CDC42BPG: variants seen among roughly 807,000 people sequenced by gnomAD.
The protein encoded by CDC42BPG is CDC42 binding protein kinase gamma.
Under a neutral mutation model 192.2 loss-of-function variants are expected in CDC42BPG, and 157 were observed. That is an observed-to-expected ratio of 0.82 (90% CI 0.72 to 0.93). The LOEUF (loss-of-function observed/expected upper bound fraction) is 0.93. Ranked by LOEUF, CDC42BPG falls within the 40% of genes least tolerant of loss-of-function variation. The pLI is 0.00. For missense variants in CDC42BPG, 1,992 were observed against 2,122.1 expected (o/e 0.94, Z 1.20); for synonymous variants, 981 against 918.5 (o/e 1.07, Z -1.23).
intron 28 of CDC42BPG, chr11:64,830,462 T>TG (rs1942633453): frequency 3.3e-6 from 2 of 608,088 alleles, no homozygotes; most frequent in African/African-American, 3.7e-5. Flanking sequence ...TCTTGAGCTG[T>TG]GGGATTTTGG....
chr11:64,833,605 C>G lies in CDC42BPG; in HGVS notation c.2620G>C (p.Ala874Pro). 6.2e-7 allele frequency: 1 copy of G among 1,609,856 alleles called. No homozygotes were observed. The highest frequency in any genetic ancestry group is 8.5e-7 in the Non-Finnish European group (1 of 1,178,456). ...ANTASTEGLPAKPGSHTLRPR... is the reference protein window; with the variant it reads ...ANTASTEGLPPKPGSHTLRPR... ...TTGCCCCTCTGGGCACTGACCTTAG[C>G]AGGAAGACCTTCTGTAGAGGCTGTG... is the stretch of plus-strand genomic sequence containing the variant. Residue 874 changes from alanine (A) to proline (P), a missense_variant, in exon 23 of 37, where the codon GCT becomes CCT. Ala to Pro is a conservative substitution (Grantham distance 27, BLOSUM62 -1). Transcript: ENST00000342711.
chr11:64,833,642 T>G lies in CDC42BPG; in HGVS notation c.2583A>C (p.Ala861=). Residue 861 remains alanine, a synonymous_variant, in exon 23 of 37, where the codon GCA becomes GCC. Transcript: ENST00000342711. ...CTGTAGAGGCTGTGTTGGCAGTGGGTGCTCTGGGGAACACAGCCTGCAGGA... is the reference window on the plus strand; with the variant it reads ...CTGTAGAGGCTGTGTTGGCAGTGGGGGCTCTGGGGAACACAGCCTGCAGGA... ...SLRMGAVFPR[A]PTANTASTEG... 1.2e-6 allele frequency: 2 copies of G among 1,612,118 alleles called. No individual in the cohort carries two copies. Among genetic ancestry groups the G allele is most frequent in the East Asian group, 2.2e-5 (1 of 44,826 alleles).
intron 17 of CDC42BPG, 24 bp downstream of exon 17, chr11:64,835,023 C>T: frequency 6.2e-7 from 1 of 1,606,148 alleles, no homozygotes; most frequent in Non-Finnish European, 8.5e-7. Flanking sequence ...GCGTTCCCCA[C>T]CCCGACCCAC....
At position 64,833,662 on chromosome 11, in the gene CDC42BPG, G is replaced by A; in HGVS notation, c.2566-3C>T. ...GTGGGTGCTCTGGGGAACACAGCCT[G>A]CAGGAGGGCGGGGGAGCAGGTGAGA... On this transcript the variant is annotated splice_polypyrimidine_tract_variant and splice_region_variant and intron_variant, in intron 22 of 36. Coordinates refer to ENST00000342711, the MANE Select transcript of CDC42BPG (RefSeq NM_017525.3). 6.2e-7 allele frequency: 1 copy of A among 1,612,396 alleles called. No homozygotes were observed. The highest frequency in any genetic ancestry group is 1.7e-4 in the Middle Eastern group (1 of 5,998).
rs763978887 is a variant in CDC42BPG, at chr11:64,832,470, A to T, written c.3045T>A (p.Asp1015Glu). 5.6e-6 allele frequency: 9 copies of T among 1,614,114 alleles called. No homozygotes were observed. The highest frequency in any genetic ancestry group is 7.6e-6 in the Non-Finnish European group (9 of 1,180,000). ...QFSATPVLASDVIHAQSRDLP... is the reference protein window; with the variant it reads ...QFSATPVLASEVIHAQSRDLP... The stretch of plus-strand genomic sequence containing the variant: ...GGTCCCTGGATTGGGCATGGATAAC[A>T]TCAGAGGCCAGGACAGGGGTAGCCG... The change falls in exon 27 of 37, where the codon GAT becomes GAA. Residue 1015 changes from aspartate to glutamate, a missense_variant. Asp to Glu is a conservative substitution (Grantham distance 45). Transcript: ENST00000342711.
intron 9 of CDC42BPG, among the ~76,000 whole-genome samples, chr11:64,837,354 G>A (rs960406201): frequency 3.9e-5 from 6 of 152,206 alleles, no homozygotes; most frequent in African/African-American, 1.4e-4. Flanking sequence ...ACAGTGGCCC[G>A]GCTGGTCTAG....
chr11:64,839,327 G>A, intron 6 of CDC42BPG, 94 bp from the exon 7 acceptor site: 1 of 1,553,480 alleles, frequency 6.4e-7, no homozygotes, highest in Non-Finnish European at 8.8e-7. Flanking sequence ...TACTCTGCCA[G>A]GCTGGCCTGC....
rs1282047433 is a variant in CDC42BPG at position 64,832,713 on chromosome 11, AG to A, written c.2895del (p.Trp966GlyfsTer8). 6.2e-7 allele frequency: 1 copy of A among 1,611,096 alleles called. No homozygotes were observed. The highest frequency in any genetic ancestry group is 2.2e-5 in the East Asian group (1 of 44,794). ...CTCAGGGCAGCAAACACGCGCTGCCAGCCCCGCCGGACACCTGAGGGCCGCG... is the reference window on the plus strand; with the variant it reads ...CTCAGGGCAGCAAACACGCGCTGCCACCCCGCCGGACACCTGAGGGCCGCG... ...SVPRPSGVRRGWQRVFAALSD... is the reference protein window; with the variant it reads ...SVPRPSGVRRXWQRVFAALSD... On this transcript the variant is annotated frameshift_variant, in exon 26 of 37. Transcript: ENST00000342711. LOFTEE classifies it high-confidence loss of function.
At position 64,827,069 on chromosome 11, in the gene CDC42BPG, C is replaced by T. The variant is rs1015886714; in HGVS notation, c.4370G>A (p.Gly1457Asp). The change falls in exon 34 of 37, where the codon GGC becomes GAC. Residue 1457 changes from glycine (G) to aspartate (D), a missense_variant. Gly to Asp is a moderately conservative substitution (Grantham distance 94, BLOSUM62 -1). This residue lies in a region of CDC42BPG where 336 missense variants were observed against 277.9 expected (regional missense o/e 1.21). Transcript: ENST00000342711. The stretch of plus-strand genomic sequence containing the variant: ...ACTAACCGGGGACTTGTCCCTGGCG[C>T]CGGGCCGCCCGTTGGCAGGGCCCAC... Reference protein sequence around the residue: ...VHVGPANGRPGARDKSPAPEE... With the variant: ...VHVGPANGRPDARDKSPAPEE... 4.3e-6 allele frequency: 7 copies of T among 1,612,296 alleles called. No homozygotes were observed. The African/African-American group carries it at 5.3e-5, about 12-fold the overall frequency.
chr11:64,844,360 G>A (rs1197169317), intron 1 of CDC42BPG, 50 bp downstream of exon 1: 28 of 1,337,842 alleles, frequency 2.1e-5, no homozygotes, highest in Non-Finnish European at 2.5e-5. Flanking sequence ...CGGGGGTCTC[G>A]GCGCGATATC....
chr11:64,843,544 CTA>C (rs1943373402), intron 1 of CDC42BPG, among the ~76,000 whole-genome samples: 1 of 152,170 alleles, frequency 6.6e-6, no homozygotes, highest in Non-Finnish European at 1.5e-5. Context: ...GCCAGGAACG[CTA>C]GTTGCCCACT....
chr11:64,840,328 G>A (rs1446306897), intron 4 of CDC42BPG, 60 bp from the exon 5 acceptor site: 36 of 1,579,286 alleles, frequency 2.3e-5, no homozygotes, highest in Admixed American at 8.5e-5. Flanking sequence ...ACTTCACCGC[G>A]GTCCCGCAGG....
chr11:64,835,028 A>G lies in CDC42BPG; in HGVS notation c.2060+19T>C. 1.6e-6 allele frequency: 1 copy of G among 614,886 alleles called. No homozygotes were observed. Among genetic ancestry groups the G allele is most frequent in the Non-Finnish European group, 2.9e-6 (1 of 342,270 alleles). The allele number at this position is 614,886 out of a possible 1,614,324, so 38.1% of individuals were successfully genotyped here. On this transcript the variant is annotated intron_variant, in intron 17 of 36. Coordinates refer to ENST00000342711, the MANE Select transcript of CDC42BPG (RefSeq NM_017525.3). ...AGTCTCGCCTGCGTTCCCCACCCCGACCCACCCCTGGCACCCACCAGCTGA... is the reference window on the plus strand; with the variant it reads ...AGTCTCGCCTGCGTTCCCCACCCCGGCCCACCCCTGGCACCCACCAGCTGA...
chr11:64,832,478 C>T lies in CDC42BPG; in HGVS notation c.3037G>A (p.Ala1013Thr). The stretch of plus-strand genomic sequence containing the variant: ...GATTGGGCATGGATAACATCAGAGG[C>T]CAGGACAGGGGTAGCCGAGAACTGG... ...DPQFSATPVL[A>T]SDVIHAQSRD... The change falls in exon 27 of 37, where the codon GCC becomes ACC. Residue 1013 changes from alanine to threonine, a missense_variant. Ala to Thr is a moderately conservative substitution (Grantham distance 58). Around this residue, in one of 2 missense-constraint regions of CDC42BPG, gnomAD observed 1,656 missense variants for 1,844.3 expected, o/e 0.90. Transcript: ENST00000342711. 6.2e-7 allele frequency: 1 copy of T among 1,614,086 alleles called. No homozygotes were observed.
intron 3 of CDC42BPG, among the ~76,000 whole-genome samples, chr11:64,841,114 G>A (rs71541907): frequency 2.0e-5 from 3 of 150,502 alleles, no homozygotes; most frequent in East Asian, 2.0e-4. Flanking sequence ...TCACGCCACC[G>A]CACTCCAGCC....
chr11:64,836,760 T>A lies in CDC42BPG; in HGVS notation c.1363A>T (p.Thr455Ser). The change falls in exon 11 of 37, where the codon ACT becomes TCT. Residue 455 changes from threonine to serine, a missense_variant. Physicochemically the swap from Thr to Ser is moderately conservative, Grantham distance 58 (BLOSUM62 1). Around this residue, in one of 2 missense-constraint regions of CDC42BPG, gnomAD observed 1,656 missense variants for 1,844.3 expected, o/e 0.90. Coordinates refer to ENST00000342711, the MANE Select transcript of CDC42BPG (RefSeq NM_017525.3). ...ATACCTGGCAGCCTGTCCCGCAGAG[T>A]CTGCACTTCCTTCCGTAGCTGCTCC... ...ELEQLRKEVQ[T>S]LRDRLPEMLR... 1 of 1,503,686 alleles carries A rather than the reference T, an allele frequency of 6.7e-7. No homozygotes were observed. The highest frequency in any genetic ancestry group is 1.2e-5 in the South Asian group (1 of 82,980). The allele number at this position is 1,503,686 out of a possible 1,614,324, so 93.1% of individuals were successfully genotyped here.
chr11:64,827,124 G>A lies in CDC42BPG; in HGVS notation c.4315C>T (p.Pro1439Ser). Residue 1439 changes from proline (P) to serine (S), a missense_variant, in exon 34 of 37, where the codon CCG (proline) becomes TCG (serine). Pro to Ser is a moderately conservative substitution (Grantham distance 74). This residue lies in a region of CDC42BPG where 336 missense variants were observed against 277.9 expected (regional missense o/e 1.21). Transcript: ENST00000342711. ...ACTAGGTGGTTGAAGTTGGTAGGCGGCGAGATGAGCTTGGAGCGCACAAAA... is the reference window on the plus strand; with the variant it reads ...ACTAGGTGGTTGAAGTTGGTAGGCGACGAGATGAGCTTGGAGCGCACAAAA... ...DPFVRSKLISPPTNFNHLVHV... is the reference protein window; with the variant it reads ...DPFVRSKLISSPTNFNHLVHV... 1.2e-6 allele frequency: 2 copies of A among 1,614,164 alleles called. No homozygotes were observed. Among genetic ancestry groups the A allele is most frequent in the Non-Finnish European group, 8.5e-7 (1 of 1,179,998 alleles).
rs777733066 is a variant in CDC42BPG, at chr11:64,835,584, G to T, written c.1796C>A (p.Pro599His). ...HTASETNGMG[P>H]PEGGPQEAQL... ...GGCCTCCTGAGGCCCACCCTCAGGG[G>T]GTCCCATCCCGTTGGTCTCAGAGGC... Residue 599 changes from proline to histidine, a missense_variant, in exon 15 of 37, where the codon CCC becomes CAC. This residue lies in a region of CDC42BPG where 1,656 missense variants were observed against 1,844.3 expected (regional missense o/e 0.90). Transcript: ENST00000342711. The T allele has an allele frequency of 6.3e-7, 1 of 1,579,670 alleles. No homozygotes were observed. The highest frequency in any genetic ancestry group is 8.6e-7 in the Non-Finnish European group (1 of 1,166,350).
At position 64,827,309 on chromosome 11, in the gene CDC42BPG, C is replaced by A. The variant is rs139262308; in HGVS notation, c.4240G>T (p.Val1414Leu). The A allele has an allele frequency of 2.5e-5, 40 of 1,614,036 alleles. No individual in the cohort carries two copies. Among genetic ancestry groups the A allele is most frequent in the Non-Finnish European group, 3.1e-5 (37 of 1,179,956 alleles). ...TGCTGCTTCTGCTGCTCCTCCGACA[C>A]GCGGAAAAAGAAGCGGCGCTTGCTC... is the stretch of plus-strand genomic sequence containing the variant. ...TKSKRRFFFR[V>L]SEEQQKQQRR... is the part of the protein sequence containing the mutation. Residue 1414 changes from valine to leucine, a missense_variant, in exon 33 of 37, where the codon GTG becomes TTG. Physicochemically the swap from Val to Leu is conservative, Grantham distance 32. Transcript: ENST00000342711.
Sources: allele counts gnomAD v4.1 joint callset (sites outside exome capture counted in the v4.1 genomes callset), GRCh38; gene constraint gnomAD v4.1.1; regional missense constraint gnomAD v4.1.1; transcripts MANE v1.5; gene names NCBI Gene and HGNC (gene_info 2026-07-23, HGNC 2026-07-21).